The following PAX1 variants were observed in gnomAD, a reference collection of about 807,000 sequenced individuals.
PAX1 encodes paired box protein Pax-1.
Under a neutral mutation model 35.6 loss-of-function variants are expected in PAX1, and 18 were observed. The observed-to-expected ratio is 0.50, with a 90% confidence interval of 0.35 to 0.75. The LOEUF is 0.75. Among genes scored for constraint, PAX1 ranks in the 30% least tolerant of loss-of-function variants. PAX1 has a pLI of 0.01. For missense variants in PAX1, 760 were observed against 661.5 expected, an observed-to-expected ratio of 1.15 and a Z score of -1.63; for synonymous variants, 397 against 305.2, an observed-to-expected ratio of 1.30 and a Z score of -3.14.
At chr20:21,714,112 T>C (rs770780223) in intron 4 of PAX1, among the ~76,000 whole-genome samples, 5 of 152,218 alleles carry the variant, frequency 3.3e-5, no homozygotes, top group Non-Finnish European at 7.3e-5. Flanking sequence ...GAAGTCGCCA[T>C]CAGACCTGAA....
chr20:21,713,378 T>C (rs199705160), intron 4 of PAX1, among the ~76,000 whole-genome samples: 1 of 137,956 alleles, frequency 7.2e-6, no homozygotes, highest in Non-Finnish European at 1.6e-5. Context: ...GTTTTCTTTT[T>C]TTTTTGTGTG....
chr20:21,709,316 G>C lies in PAX1; in HGVS notation c.1154G>C (p.Gly385Ala). The C allele has an allele frequency of 6.2e-7, 1 of 1,600,790 alleles. No individual in the cohort carries two copies. Among genetic ancestry groups the C allele is most frequent in the Non-Finnish European group, 8.5e-7 (1 of 1,178,440 alleles). ...QHGVYSAPGG[G>A]YLAPGPPWPP... ...GGCGTGTACAGCGCCCCGGGCGGCG[G>C]CTACCTCGCCCCGGGCCCGCCGTGG... Residue 385 changes from glycine (G) to alanine (A), a missense_variant, in exon 4 of 5, where the codon GGC (glycine) becomes GCC (alanine). Gly to Ala is a moderately conservative substitution (Grantham distance 60, BLOSUM62 0). This residue lies in a region of PAX1 where 490 missense variants were observed against 428.4 expected (regional missense o/e 1.14). Transcript: ENST00000613128.
chr20:21,710,566 G>A (rs1370037720), intron 4 of PAX1, among the ~76,000 whole-genome samples: 2 of 152,154 alleles, frequency 1.3e-5, no homozygotes, highest in African/African-American at 4.8e-5. Flanking sequence ...GAAGCGAGGT[G>A]GATGTAGTGG....
At chr20:21,710,925 T>C (rs1985180046) in intron 4 of PAX1, among the ~76,000 whole-genome samples, 2 of 152,214 alleles carry the variant, frequency 1.3e-5, no homozygotes, top group African/African-American at 4.8e-5. Context: ...TATCATTTAC[T>C]CATTTATAGA....
At position 21,714,639 on chromosome 20, in the gene PAX1, G is replaced by A. The variant is rs1346835681; in HGVS notation, c.*77G>A. 6 of 1,580,654 alleles carry A rather than the reference G, an allele frequency of 3.8e-6. No individual in the cohort carries two copies. In the African/African-American group the frequency reaches 5.4e-5, roughly 14 times the overall value. ...CGCACAGGTCTGCGCGGCGGCCCCG[G>A]CAATCGGCACGGGCAGGATCGGAGG... On this transcript the variant is annotated 3_prime_UTR_variant, in exon 5 of 5. Coordinates refer to ENST00000613128, the MANE Select transcript of PAX1 (RefSeq NM_001257096.2).
rs1985004404 is a variant in PAX1, at chr20:21,706,515, C to T, written c.364C>T (p.Arg122Cys). 2 of 1,612,314 alleles carry T rather than the reference C, an allele frequency of 1.2e-6. No homozygotes were observed. The highest frequency in any genetic ancestry group is 1.7e-5 in the Admixed American group (1 of 60,000). The stretch of plus-strand genomic sequence containing the variant: ...CCCCCTGCCCAACGCCATCCGCTTG[C>T]GCATTGTGGAGCTGGCGCAGCTGGG... ...GRPLPNAIRL[R>C]IVELAQLGIR... The change falls in exon 2 of 5, where the codon CGC (arginine) becomes TGC (cysteine). Residue 122 changes from arginine (R) to cysteine (C), a missense_variant. This residue lies in a region of PAX1 where 48 missense variants were observed against 80.0 expected (regional missense o/e 0.60). Transcript: ENST00000613128. The surrounding 1 kb of genome is among the most constrained non-coding windows in gnomAD (Gnocchi z 5.3).
rs1387825714 is a variant in PAX1 at position 21,708,334 on chromosome 20, G to A, written c.917-224G>A. ...GCAGCCTCCCGTTCGTGGGAAACCGGTTGAAGGCTAGGAGGACCGGGCAGC... is the reference window on the plus strand; with the variant it reads ...GCAGCCTCCCGTTCGTGGGAAACCGATTGAAGGCTAGGAGGACCGGGCAGC... On this transcript the variant is annotated intron_variant, in intron 2 of 4. Transcript: ENST00000613128. The A allele has an allele frequency of 4.6e-6, 3 of 658,908 alleles. No homozygotes were observed. In the South Asian group the frequency reaches 5.1e-5, roughly 11 times the overall value. The allele number at this position is 658,908 out of a possible 1,614,324, so 40.8% of individuals were successfully genotyped here. A position where few individuals can be genotyped will look rare whatever the true frequency, so the allele number is the denominator to read the frequency against.
chr20:21,706,384 A>G lies in PAX1; in HGVS notation c.287-54A>G, dbSNP rs1479318458. ...CGCTCCGCGTGGGGACCCTTGGCTA[A>G]CCCGCCGGGTGTTTTCTCCCCCTCC... On this transcript the variant is annotated intron_variant, in intron 1 of 4. Transcript: ENST00000613128. This position sits in a 1 kb window ranked among gnomAD's most constrained non-coding sequence, Gnocchi z 5.3. 6.2e-7 allele frequency: 1 copy of G among 1,605,044 alleles called. No individual in the cohort carries two copies. Among genetic ancestry groups the G allele is most frequent in the Non-Finnish European group, 8.5e-7 (1 of 1,179,128 alleles).
chr20:21,707,523 T>C (rs1041847057), intron 2 of PAX1, among the ~76,000 whole-genome samples: 1 of 152,170 alleles, frequency 6.6e-6, no homozygotes, highest in Non-Finnish European at 1.5e-5. Context: ...TTGAGTGGCC[T>C]ACATCTCTAA....
At position 21,709,418 on chromosome 20, in the gene PAX1, T is replaced by A. The variant is rs1304438601; in HGVS notation, c.1256T>A (p.Met419Lys). Residue 419 changes from methionine to lysine, a missense_variant, in exon 4 of 5, where the codon ATG becomes AAG. By Grantham distance (95) the Met-to-Lys change is moderately conservative. Coordinates refer to ENST00000613128, the MANE Select transcript of PAX1 (RefSeq NM_001257096.2). ...AVHGGELAAAMTFKHPSREVA... is the reference protein window; with the variant it reads ...AVHGGELAAAKTFKHPSREVA... ...CATGGCGGGGAACTCGCGGCAGCAA[T>A]GACCTTCAAGCATCCCAGCCGAGAA... The A allele has an allele frequency of 6.5e-7, 1 of 1,540,962 alleles. No homozygotes were observed. Among genetic ancestry groups the A allele is most frequent in the Admixed American group, 2.0e-5 (1 of 50,420 alleles).
At position 21,714,731 on chromosome 20, in the gene PAX1, C is replaced by T. The variant is rs1985312370; in HGVS notation, c.*169C>T. On this transcript the variant is annotated 3_prime_UTR_variant, in exon 5 of 5. Coordinates refer to ENST00000613128, the MANE Select transcript of PAX1 (RefSeq NM_001257096.2). ...GCCCAGCCAGCCCCCAGGCCCAGCC[C>T]TGCCTCTGGCCGGACCCACCACACT... The T allele has an allele frequency of 6.2e-7, 1 of 1,604,688 alleles. No individual in the cohort carries two copies. The highest frequency in any genetic ancestry group is 8.5e-7 in the Non-Finnish European group (1 of 1,179,890).
chr20:21,708,270 G>A lies in PAX1; in HGVS notation c.917-288G>A. ...GGGAGCCGTGTCTGGACAATGGAGCGGCCGCTTTGGCCGAGTCTGCCCAGG... is the reference window on the plus strand; with the variant it reads ...GGGAGCCGTGTCTGGACAATGGAGCAGCCGCTTTGGCCGAGTCTGCCCAGG... On this transcript the variant is annotated intron_variant, in intron 2 of 4. Coordinates refer to ENST00000613128, the MANE Select transcript of PAX1 (RefSeq NM_001257096.2). 4 of 556,764 alleles carry A rather than the reference G, an allele frequency of 7.2e-6. No homozygotes were observed. The Admixed American group carries it at 1.2e-4, about 17-fold the overall frequency. 34.5% of individuals were successfully genotyped at this position (556,764 alleles called of 1,614,324 possible).
At position 21,717,991 on chromosome 20, in the gene PAX1, A is replaced by C. The variant is rs2122156426; in HGVS notation, c.*3429A>C. Reference sequence around the variant, plus strand: ...TGCACACTAATGAGTTGTGCTGTGCACACACAGACATGAGCTGAAGATCTG... The same window carrying C: ...TGCACACTAATGAGTTGTGCTGTGCCCACACAGACATGAGCTGAAGATCTG... On this transcript the variant is annotated 3_prime_UTR_variant, in exon 5 of 5. Coordinates refer to ENST00000613128, the MANE Select transcript of PAX1 (RefSeq NM_001257096.2). 6.6e-6 allele frequency: 1 copy of C among 152,354 alleles called. No individual in the cohort carries two copies. Among genetic ancestry groups the C allele is most frequent in the East Asian group, 1.9e-4 (1 of 5,188 alleles). 9.4% of individuals were successfully genotyped at this position (152,354 alleles called of 1,614,324 possible).
intron 2 of PAX1, chr20:21,708,340 G>C: frequency 8.8e-6 from 6 of 680,296 alleles, no homozygotes; most frequent in Non-Finnish European, 1.3e-5. Flanking sequence ...ACCGGTTGAA[G>C]GCTAGGAGGA....
At chr20:21,713,083 T>G (rs1346889375) in intron 4 of PAX1, among the ~76,000 whole-genome samples, 1 of 151,946 alleles carries the variant, frequency 6.6e-6, no homozygotes, top group Non-Finnish European at 1.5e-5. Flanking sequence ...CCCTGTAGGG[T>G]GGGATGCAGT....
Position 21,706,456 on chromosome 20 carries a change from T to G in PAX1, c.305T>G (p.Val102Gly). The G allele has an allele frequency of 6.2e-7, 1 of 1,610,834 alleles. No individual in the cohort carries two copies. The highest frequency in any genetic ancestry group is 8.5e-7 in the Non-Finnish European group (1 of 1,178,674). Reference sequence around the variant, plus strand: ...TCCGCAGAGCAGACGTATGGCGAGGTGAACCAGCTGGGCGGTGTGTTCGTC... The same window carrying G: ...TCCGCAGAGCAGACGTATGGCGAGGGGAACCAGCTGGGCGGTGTGTTCGTC... ...PLAMEQTYGE[V>G]NQLGGVFVNG... is the part of the protein sequence containing the mutation. Residue 102 changes from valine (V) to glycine (G), a missense_variant, in exon 2 of 5, where the codon GTG becomes GGG. Transcript: ENST00000613128. The surrounding 1 kb of genome is among the most constrained non-coding windows in gnomAD (Gnocchi z 5.3).
chr20:21,708,861 G>A (rs1985102978), intron 3 of PAX1, among the ~76,000 whole-genome samples, 161 bp downstream of exon 3: 1 of 152,128 alleles, frequency 6.6e-6, no homozygotes, highest in Non-Finnish European at 1.5e-5. Flanking sequence ...TTCCTCAAGC[G>A]TACTAGTTTG....
chr20:21,713,184 G>T (rs1041134128), intron 4 of PAX1, among the ~76,000 whole-genome samples: 1 of 152,182 alleles, frequency 6.6e-6, no homozygotes, highest in Non-Finnish European at 1.5e-5. Context: ...CTCCTCAGAT[G>T]TTTTCTAAAC....
rs1447345866 is a variant in PAX1, at chr20:21,706,213, G to C, written c.286+215G>C. 1.3e-6 allele frequency: 1 copy of C among 775,232 alleles called. No individual in the cohort carries two copies. Among genetic ancestry groups the C allele is most frequent in the Admixed American group, 2.0e-5 (1 of 50,098 alleles). 48.0% of individuals were successfully genotyped at this position (775,232 alleles called of 1,614,324 possible). ...CGCGCTAAAAGTCGCGAAAGGGCAC[G>C]GAGGGCTACAATGCGCCGCGCTCCA... On this transcript the variant is annotated intron_variant, in intron 1 of 4. Transcript: ENST00000613128. The surrounding 1 kb of genome is among the most constrained non-coding windows in gnomAD (Gnocchi z 5.3).
Sources: allele counts gnomAD v4.1 joint callset (sites outside exome capture counted in the v4.1 genomes callset), GRCh38; gene constraint gnomAD v4.1.1; regional missense constraint gnomAD v4.1.1; non-coding constraint Gnocchi (gnomAD v3.1); transcripts MANE v1.5; gene names NCBI Gene and HGNC (gene_info 2026-07-23, HGNC 2026-07-21).